Variants in INPP5A observed in about 807,000 individuals in gnomAD.
INPP5A encodes inositol polyphosphate-5-phosphatase A.
INPP5A carries 14 observed loss-of-function variants against 65.2 expected under a neutral mutation model. That is an observed-to-expected ratio of 0.21 (90% CI 0.14 to 0.34). The LOEUF (loss-of-function observed/expected upper bound fraction) is 0.34. Ranked by LOEUF, INPP5A falls within the 10% of genes least tolerant of loss-of-function variation. The pLI is 1.00. For synonymous variants in INPP5A, 207 were observed against 208.3 expected (o/e 0.99, Z 0.05); for missense variants, 431 against 545.6 (o/e 0.79, Z 2.09).
At chr10:132,589,571 C>G (rs1232400231) in intron 1 of INPP5A, among the ~76,000 whole-genome samples, 4 of 152,264 alleles carry the variant, frequency 2.6e-5, no homozygotes, top group Non-Finnish European at 5.9e-5. Flanking sequence ...CCTTGGGAAG[C>G]CTTCTGCCTG....
rs546419882 is a variant in INPP5A, at chr10:132,644,708, C to A, written c.118-1160C>A. Among the ~76,000 whole-genome samples, 48 of 152,368 alleles carry A rather than the reference C, an allele frequency of 3.2e-4. 1 individual carries two copies. The South Asian group carries it at 6.6e-3, about 21-fold the overall frequency. Reference sequence around the variant, plus strand: ...GGCTGTTGTAGCACCACCACCCCGGCACCAGACAGAGAGCCCTGTCGGGGC... The same window carrying A: ...GGCTGTTGTAGCACCACCACCCCGGAACCAGACAGAGAGCCCTGTCGGGGC... On this transcript the variant is annotated intron_variant, in intron 2 of 15. Transcript: ENST00000368594. This position sits in a 1 kb window ranked among gnomAD's most constrained non-coding sequence, Gnocchi z 6.5.
intron 1 of INPP5A, among the ~76,000 whole-genome samples, chr10:132,604,902 C>CA (rs1182977398): frequency 6.6e-6 from 1 of 152,190 alleles, no homozygotes; most frequent in African/African-American, 2.4e-5. Context: ...GTCTGAGACT[C>CA]AGAGCAAAGC....
At chr10:132,598,119 CT>C (rs1436118942) in intron 1 of INPP5A, among the ~76,000 whole-genome samples, 1 of 152,210 alleles carries the variant, frequency 6.6e-6, no homozygotes, top group Non-Finnish European at 1.5e-5. Flanking sequence ...AGAACTTTCT[CT>C]TTTTTTCATT....
At chr10:132,655,897 G>T (rs1185323163) in intron 4 of INPP5A, among the ~76,000 whole-genome samples, 1 of 152,266 alleles carries the variant, frequency 6.6e-6, no homozygotes, top group Non-Finnish European at 1.5e-5. Context: ...GCGCCTGAGT[G>T]TAGGTCCCAG....
rs558454092 is a variant in INPP5A at position 132,615,756 on chromosome 10, C to T, written c.117+7800C>T. On this transcript the variant is annotated intron_variant, in intron 2 of 15. Coordinates refer to ENST00000368594, the MANE Select transcript of INPP5A (RefSeq NM_005539.5). ...AGCTAAGAAGACCCAGGAGAAGGGG[C>T]GGGCTTTGAGGACAGAGTGGGCCCT... 1.6e-4 allele frequency among the ~76,000 whole-genome samples: 24 copies of T among 152,250 alleles called. No homozygotes were observed. In the East Asian group the frequency reaches 4.1e-3, roughly 26 times the overall value.
In INPP5A at chr10:132,663,027, A is replaced by G. The variant is rs576144235; in HGVS notation, c.306+12522A>G. 1.3e-5 allele frequency among the ~76,000 whole-genome samples: 2 copies of G among 152,260 alleles called. No homozygotes were observed. The highest frequency in any genetic ancestry group is 4.8e-5 in the African/African-American group (2 of 41,556). On this transcript the variant is annotated intron_variant, in intron 4 of 15. Transcript: ENST00000368594. This position sits in a 1 kb window ranked among gnomAD's most constrained non-coding sequence, Gnocchi z 4.5. ...GTGGTGGATGGCTTGTGAGGGGTCAAACTGCAGATTTAATGGAAAAGGGAA... is the reference window on the plus strand; with the variant it reads ...GTGGTGGATGGCTTGTGAGGGGTCAGACTGCAGATTTAATGGAAAAGGGAA...
chr10:132,691,620 T>C (rs1376888426), intron 5 of INPP5A, among the ~76,000 whole-genome samples: 2 of 152,346 alleles, frequency 1.3e-5, no homozygotes, highest in Admixed American at 6.5e-5. Flanking sequence ...GAACCTACAG[T>C]GTATTTAAAA....
chr10:132,774,927 GGGGTAGGGAGAGAC>G (rs1200436266), intron 12 of INPP5A, among the ~76,000 whole-genome samples: 1 of 31,786 alleles, frequency 3.1e-5, no homozygotes, highest in Non-Finnish European at 6.5e-5. Flanking sequence ...GGAGGAGAGA[GGGGTAGGGAGAGAC>G]GGGCAGGGAG....
intron 11 of INPP5A, among the ~76,000 whole-genome samples, chr10:132,760,580 A>G (rs888784247): frequency 4.6e-5 from 7 of 152,226 alleles, no homozygotes; most frequent in African/African-American, 1.7e-4. Context: ...GTGGCATCGG[A>G]GGGCCCCACA....
rs2072953869 is a variant in INPP5A at position 132,675,668 on chromosome 10, T to A, written c.307-14724T>A. ...CCCCGATCAGGGTCTGGAGGGAGCGTGTGCCCTTGGAATACTGCTGTTTTA... is the reference window on the plus strand; with the variant it reads ...CCCCGATCAGGGTCTGGAGGGAGCGAGTGCCCTTGGAATACTGCTGTTTTA... On this transcript the variant is annotated intron_variant, in intron 4 of 15. Transcript: ENST00000368594. This position sits in a 1 kb window ranked among gnomAD's most constrained non-coding sequence, Gnocchi z 4.2. Among the ~76,000 whole-genome samples the A allele has an allele frequency of 6.6e-6, 1 of 152,228 alleles. No individual in the cohort carries two copies. Among genetic ancestry groups the A allele is most frequent in the Non-Finnish European group, 1.5e-5 (1 of 68,038 alleles).
Position 132,538,000 on chromosome 10 carries a change from A to T in INPP5A, c.-97A>T. The T allele has an allele frequency of 2.2e-6, 1 of 454,684 alleles. No individual in the cohort carries two copies. Among genetic ancestry groups the T allele is most frequent in the Non-Finnish European group, 2.9e-6 (1 of 350,442 alleles). 28.2% of individuals were successfully genotyped at this position (454,684 alleles called of 1,614,324 possible). A position where few individuals can be genotyped will look rare whatever the true frequency, so the allele number is the denominator to read the frequency against. On this transcript the variant is annotated 5_prime_UTR_variant, in exon 1 of 16. An upstream open reading frame in the 5' UTR loses its in-frame stop. Coordinates refer to ENST00000368594, the MANE Select transcript of INPP5A (RefSeq NM_005539.5). Reference sequence around the variant, plus strand: ...CCGGGGCCGCCCCCCGGCGCAGCTGACGCCCCGCGGCCCCGCGAAGACCCC... The same window carrying T: ...CCGGGGCCGCCCCCCGGCGCAGCTGTCGCCCCGCGGCCCCGCGAAGACCCC...
chr10:132,765,122 T>C (rs148143613), intron 11 of INPP5A, among the ~76,000 whole-genome samples: 2,870 of 96,432 alleles, frequency 0.03, 21 homozygotes, highest in Middle Eastern at 0.064. Flanking sequence ...CTCAGGAACA[T>C]GGTCGGGCCA....
At position 132,710,281 on chromosome 10, in the gene INPP5A, G is replaced by A. The variant is rs962180149; in HGVS notation, c.528-56G>A. 14 of 1,590,160 alleles carry A rather than the reference G, an allele frequency of 8.8e-6. 1 individual carries two copies. In the Admixed American group the frequency reaches 2.3e-4, roughly 26 times the overall value. On this transcript the variant is annotated intron_variant, in intron 7 of 15. Coordinates refer to ENST00000368594, the MANE Select transcript of INPP5A (RefSeq NM_005539.5). ...CCCGGGGACTCCTTGGGAGAACGAA[G>A]TGTGACCCGGAGGCTCCGGCCCTTG... is the stretch of plus-strand genomic sequence containing the variant.
chr10:132,616,343 G>A lies in INPP5A; in HGVS notation c.117+8387G>A, dbSNP rs370009002. On this transcript the variant is annotated intron_variant, in intron 2 of 15. Transcript: ENST00000368594. The surrounding 1 kb of genome is among the most constrained non-coding windows in gnomAD (Gnocchi z 4.9). ...TGTGGCGTGCAGGGACGCCGTGGGC[G>A]TGGTGTGGGGCACGTGGCGTGCGGG... 2.2e-4 allele frequency among the ~76,000 whole-genome samples: 33 copies of A among 152,262 alleles called. No individual in the cohort carries two copies. In the East Asian group the frequency reaches 3.5e-3, roughly 16 times the overall value.
intron 12 of INPP5A, among the ~76,000 whole-genome samples, chr10:132,776,974 G>A (rs969908274): frequency 3.3e-5 from 5 of 152,196 alleles, no homozygotes; most frequent in African/African-American, 7.2e-5. Context: ...CCTGGCCGGC[G>A]GTGGGTGGTG....
intron 9 of INPP5A, among the ~76,000 whole-genome samples, chr10:132,740,425 C>T (rs912678065): frequency 3.9e-5 from 6 of 152,104 alleles, no homozygotes; most frequent in Non-Finnish European, 5.9e-5. Context: ...TGTAGTGGCG[C>T]GGCATCCGGG....
At position 132,698,337 on chromosome 10, in the gene INPP5A, G is replaced by A. The variant is rs1845379032; in HGVS notation, c.474+418G>A. ...GAGTGTGGGGCAGGGGCACGGTCCT[G>A]TGTCAGATACAGCCTTGGTGGTTGT... On this transcript the variant is annotated intron_variant, in intron 6 of 15. Coordinates refer to ENST00000368594, the MANE Select transcript of INPP5A (RefSeq NM_005539.5). The surrounding 1 kb of genome is among the most constrained non-coding windows in gnomAD (Gnocchi z 5.5). Among the ~76,000 whole-genome samples, 1 of 152,230 alleles carries A rather than the reference G, an allele frequency of 6.6e-6. No individual in the cohort carries two copies. The highest frequency in any genetic ancestry group is 1.5e-5 in the Non-Finnish European group (1 of 68,038).
At position 132,727,145 on chromosome 10, in the gene INPP5A, G is replaced by A. The variant is rs1846000559; in HGVS notation, c.732+240G>A. On this transcript the variant is annotated intron_variant, in intron 9 of 15. Transcript: ENST00000368594. The surrounding 1 kb of genome is among the most constrained non-coding windows in gnomAD (Gnocchi z 6.5). Reference sequence around the variant, plus strand: ...CGGATGGCGGGTGACAGTGCTGTGGGGCTTTGCCCTGTGGCTTCCGCCGTC... The same window carrying A: ...CGGATGGCGGGTGACAGTGCTGTGGAGCTTTGCCCTGTGGCTTCCGCCGTC... 2 of 384,164 alleles carry A rather than the reference G, an allele frequency of 5.2e-6. No homozygotes were observed. The highest frequency in any genetic ancestry group is 4.7e-6 in the Non-Finnish European group (1 of 212,082). The allele number at this position is 384,164 out of a possible 1,614,324, so 23.8% of individuals were successfully genotyped here.
At chr10:132,643,391 T>G (rs781651520) in intron 2 of INPP5A, among the ~76,000 whole-genome samples, 2 of 152,134 alleles carry the variant, frequency 1.3e-5, no homozygotes, top group Non-Finnish European at 2.9e-5. Context: ...GTCCCAGCAC[T>G]TTGGGAGGCT....
Sources: allele counts gnomAD v4.1 joint callset (sites outside exome capture counted in the v4.1 genomes callset), GRCh38; gene constraint gnomAD v4.1.1; non-coding constraint Gnocchi (gnomAD v3.1); transcripts MANE v1.5; gene names NCBI Gene and HGNC (gene_info 2026-07-23, HGNC 2026-07-21).